MGAM: variants seen among roughly 807,000 people sequenced by gnomAD.
MGAM encodes alpha-1,4-glucosidase.
A neutral mutation model predicts 358.8 loss-of-function variants in MGAM; 253 were observed. The observed-to-expected ratio is 0.71, with a 90% confidence interval of 0.64 to 0.78. The LOEUF is 0.78. Ranked by LOEUF, MGAM falls within the 30% of genes least tolerant of loss-of-function variation. MGAM has a pLI of 0.00. For missense variants in MGAM, 3,080 were observed against 3,432.6 expected (o/e 0.90, Z 2.57); for synonymous variants, 1,105 against 1,227.1 (o/e 0.90, Z 2.08).
intron 21 of MGAM, among the ~76,000 whole-genome samples, chr7:142,042,704 T>G (rs1172106227): frequency 2.1e-5 from 1 of 46,860 alleles, no homozygotes; most frequent in Non-Finnish European, 3.5e-5. Context: ...TATAATATTA[T>G]ATATAATATA....
intron 18 of MGAM, among the ~76,000 whole-genome samples, chr7:142,038,115 C>T (rs1348312336): frequency 2.0e-5 from 3 of 152,024 alleles, no homozygotes; most frequent in African/African-American, 7.2e-5. Flanking sequence ...AAGTTCTTGG[C>T]TTTTAGATCC....
Position 142,082,209 on chromosome 7 carries a change from G to C in MGAM, c.6170G>C (p.Gly2057Ala), listed in dbSNP as rs756637580. Residue 2057 changes from glycine to alanine, a missense_variant and splice_region_variant, in exon 51 of 71, where the codon GGG becomes GCG. Physicochemically the swap from Gly to Ala is moderately conservative, Grantham distance 60. This residue lies in a region of MGAM where 932 missense variants were observed against 1,198.2 expected (regional missense o/e 0.78). Coordinates refer to ENST00000475668, the MANE Select transcript of MGAM (RefSeq NM_001365693.1). The part of the protein sequence containing the change: ...WGMFSRDQPP[G>A]YKKNSYGVHP... ...ATGTTCTCCCGAGACCAGCCCCCAG[G>C]GGTAAGGACAGAGCATTTGAGATCT... is the stretch of plus-strand genomic sequence containing the variant. 6 of 1,553,518 alleles carry C rather than the reference G, an allele frequency of 3.9e-6. 1 individual carries two copies. In the East Asian group the frequency reaches 1.4e-4, roughly 35 times the overall value.
intron 1 of MGAM, 38 bp from the exon 2 acceptor site, chr7:142,005,491 C>G (rs1273232548): frequency 7.1e-7 from 1 of 1,413,764 alleles, no homozygotes; most frequent in Non-Finnish European, 9.5e-7. Flanking sequence ...TATAGTAAAT[C>G]AAATTCAAAT....
rs1554462907 is a variant in MGAM at position 142,030,444 on chromosome 7, A to G, written c.1304A>G (p.Glu435Gly). The change falls in exon 11 of 71, where the codon GAA (glutamate) becomes GGA (glycine). Residue 435 changes from glutamate to glycine, a missense_variant. Physicochemically the swap from Glu to Gly is moderately conservative, Grantham distance 98 (BLOSUM62 -2). Transcript: ENST00000475668. ...YDSVDFKGFP[E>G]FVNELHNNGQ... ...TCAGTGGATTTTAAAGGCTTCCCTG[A>G]ATTTGTCAACGAGTTACACAATAAT... 1 of 1,613,674 alleles carries G rather than the reference A, an allele frequency of 6.2e-7. No homozygotes were observed. Among genetic ancestry groups the G allele is most frequent in the Admixed American group, 1.7e-5 (1 of 59,962 alleles).
In MGAM at chr7:142,022,424, C is replaced by T. The variant is rs781937270; in HGVS notation, c.867C>T (p.Asp289=). 16 of 1,613,154 alleles carry T rather than the reference C, an allele frequency of 9.9e-6. No homozygotes were observed. The African/African-American group carries it at 1.9e-4, about 19-fold the overall frequency. ...AGACCTGGCCCATATTTAACAGAGA[C>T]ACAACTCCCAATGGAGTAAGCTTTC... ...NWKTWPIFNR[D]TTPNGNGTNL... is the part of the protein sequence containing the mutation. The change falls in exon 7 of 71, where the codon GAC becomes GAT. Residue 289 remains aspartate (D), a synonymous_variant. Coordinates refer to ENST00000475668, the MANE Select transcript of MGAM (RefSeq NM_001365693.1).
rs146844182 is a variant in MGAM, at chr7:142,028,373, G to C, written c.1221+638G>C. On this transcript the variant is annotated intron_variant, in intron 10 of 70. Coordinates refer to ENST00000475668, the MANE Select transcript of MGAM (RefSeq NM_001365693.1). ...GAATTGAGGAAGTGGAGTAGTTCTA[G>C]ACCCCATGAATTTAGTTCAAACTAA... 1.3e-3 allele frequency among the ~76,000 whole-genome samples: 199 copies of C among 152,220 alleles called. 1 individual carries two copies. Among genetic ancestry groups the C allele is most frequent in the African/African-American group, 4.3e-3 (180 of 41,532 alleles).
rs546415444 is a variant in MGAM at position 142,033,558 on chromosome 7, A to G, written c.1669+649A>G. On this transcript the variant is annotated intron_variant, in intron 14 of 70. Coordinates refer to ENST00000475668, the MANE Select transcript of MGAM (RefSeq NM_001365693.1). Reference sequence around the variant, plus strand: ...GAAGGCTTCAATATGGTGGGAAGACAGGAAATTGGGGCAGGAAGGTTAGAA... The same window carrying G: ...GAAGGCTTCAATATGGTGGGAAGACGGGAAATTGGGGCAGGAAGGTTAGAA... Among the ~76,000 whole-genome samples, 34 of 152,326 alleles carry G rather than the reference A, an allele frequency of 2.2e-4. No homozygotes were observed. The Middle Eastern group carries it at 0.01, about 46-fold the overall frequency.
Position 142,068,823 on chromosome 7 carries a change from G to A in MGAM, c.5061+120G>A, listed in dbSNP as rs1192413054. The A allele has an allele frequency of 1.7e-5, 15 of 873,438 alleles. 1 individual carries two copies. The highest frequency in any genetic ancestry group is 3.2e-5 in the African/African-American group (2 of 61,910). The allele number at this position is 873,438 out of a possible 1,614,324, so 54.1% of individuals were successfully genotyped here. A position where few individuals can be genotyped will look rare whatever the true frequency, so the allele number is the denominator to read the frequency against. On this transcript the variant is annotated intron_variant, in intron 43 of 70. Coordinates refer to ENST00000475668, the MANE Select transcript of MGAM (RefSeq NM_001365693.1). ...AACCCACCTGCTGTGTGGTCTTAGA[G>A]AAGCCACTTTAACCCTTGTAATCTC...
intron 1 of MGAM, among the ~76,000 whole-genome samples, chr7:141,998,031 C>G (rs960808536): frequency 1.3e-4 from 20 of 152,100 alleles, no homozygotes; most frequent in African/African-American, 4.8e-4. Context: ...CAAACGCTGG[C>G]TATAATGCCG....
chr7:142,092,064 C>G lies in MGAM; in HGVS notation c.6945+17C>G. ...ATGTGGATTGTAAGTGTGTGTGTGT[C>G]TCTGTGTACCAGTGACACTTGTCTA... On this transcript the variant is annotated intron_variant, in intron 58 of 70. Coordinates refer to ENST00000475668, the MANE Select transcript of MGAM (RefSeq NM_001365693.1). 1 of 1,542,224 alleles carries G rather than the reference C, an allele frequency of 6.5e-7. No individual in the cohort carries two copies. Among genetic ancestry groups the G allele is most frequent in the Non-Finnish European group, 8.9e-7 (1 of 1,125,062 alleles).
rs541157231 is a variant in MGAM at position 142,034,898 on chromosome 7, A to G, written c.1959+57A>G. On this transcript the variant is annotated intron_variant, in intron 16 of 70. Transcript: ENST00000475668. ...CTGAATTCCCAGGCAACCTCATTCT[A>G]GAAAGTTTTCAAACCACAAAGCTCC... 113 of 1,548,240 alleles carry G rather than the reference A, an allele frequency of 7.3e-5. No homozygotes were observed. In the East Asian group the frequency reaches 1.9e-3, roughly 26 times the overall value.
At chr7:142,033,991 A>G (rs1366843762) in intron 14 of MGAM, among the ~76,000 whole-genome samples, 2 of 152,228 alleles carry the variant, frequency 1.3e-5, no homozygotes, top group Admixed American at 6.5e-5. Context: ...ATTGAACCTC[A>G]GGCCTGAATG....
At chr7:142,035,649 A>G (rs1384314886) in intron 16 of MGAM, among the ~76,000 whole-genome samples, 1 of 152,170 alleles carries the variant, frequency 6.6e-6, no homozygotes, top group African/African-American at 2.4e-5. Flanking sequence ...GGATTATTTG[A>G]TGTATCTATA....
At chr7:142,043,472 C>G (rs1223818679) in intron 21 of MGAM, among the ~76,000 whole-genome samples, 1 of 63,052 alleles carries the variant, frequency 1.6e-5, no homozygotes, top group Non-Finnish European at 2.7e-5. Flanking sequence ...ATTATATATA[C>G]ATATAATATC....
chr7:142,008,611 C>G lies in MGAM; in HGVS notation c.233C>G (p.Pro78Arg). ...THARTTGPPD[P>R]GTTGTTPVSA... is the part of the protein sequence containing the mutation. ...GCTAGGACAACGGGTCCCCCAGATC[C>G]TGGAACAACTGGTACCACTCCTGTT... Residue 78 changes from proline to arginine, a missense_variant, in exon 3 of 71, where the codon CCT becomes CGT. Physicochemically the swap from Pro to Arg is moderately radical, Grantham distance 103. Coordinates refer to ENST00000475668, the MANE Select transcript of MGAM (RefSeq NM_001365693.1). The G allele has an allele frequency of 6.2e-7, 1 of 1,613,468 alleles. No homozygotes were observed. The highest frequency in any genetic ancestry group is 8.5e-7 in the Non-Finnish European group (1 of 1,179,646).
chr7:141,991,132 G>T (rs1251177759), upstream of MGAM, among the ~76,000 whole-genome samples: 4 of 152,156 alleles, frequency 2.6e-5, no homozygotes, highest in Non-Finnish European at 5.9e-5. Context: ...GTAAAACTGG[G>T]ATAATAACAG....
rs1395617145 is a variant in MGAM, at chr7:142,079,025, T to C, written c.5847+17T>C. 6.5e-7 allele frequency: 1 copy of C among 1,530,576 alleles called. No homozygotes were observed. Among genetic ancestry groups the C allele is most frequent in the Admixed American group, 1.7e-5 (1 of 57,366 alleles). The allele number at this position is 1,530,576 out of a possible 1,614,324, so 94.8% of individuals were successfully genotyped here. A position where few individuals can be genotyped will look rare whatever the true frequency, so the allele number is the denominator to read the frequency against. On this transcript the variant is annotated intron_variant, in intron 49 of 70. Transcript: ENST00000475668. ...CAGTTCAAGGTAAACACGGTACATA[T>C]ATCAGGCAGTGATAAGACCCTTTTC... is the stretch of plus-strand genomic sequence containing the variant.
chr7:142,057,903 T>C (rs1348616164), intron 30 of MGAM, among the ~76,000 whole-genome samples: 1 of 152,118 alleles, frequency 6.6e-6, no homozygotes, highest in Non-Finnish European at 1.5e-5. Context: ...GCTAGCAGGA[T>C]TGGAGCCTGT....
chr7:141,992,956 T>C (rs1804010549), upstream of MGAM, among the ~76,000 whole-genome samples: 1 of 152,250 alleles, frequency 6.6e-6, no homozygotes, highest in Non-Finnish European at 1.5e-5. Context: ...GTAAATTCTT[T>C]GATTCTATGA....
Sources: gnomAD v4.1 joint callset for allele counts (sites outside exome capture counted in the v4.1 genomes callset) on GRCh38, gnomAD v4.1.1 for gene constraint, gnomAD v4.1.1 regional missense constraint, MANE v1.5 for transcripts, NCBI Gene and HGNC (gene_info 2026-07-23, HGNC 2026-07-21) for gene names.